The following FSHR variants were observed in gnomAD, a reference collection of about 807,000 sequenced individuals.
The protein encoded by FSHR is follicle stimulating hormone receptor, also known as follicle-stimulating hormone receptor.
A neutral mutation model predicts 52.1 loss-of-function variants in FSHR; 46 were observed. The observed-to-expected ratio is 0.88, with a 90% CI of 0.70 to 1.13. FSHR has a LOEUF of 1.13. Among genes scored for constraint, FSHR ranks in the 50% most tolerant of loss-of-function variants. The pLI is 0.00. For missense variants in FSHR, 964 were observed against 834.6 expected (o/e 1.16, Z -1.91); for synonymous variants, 399 against 309.6 (o/e 1.29, Z -3.03).
intron 4 of FSHR, among the ~76,000 whole-genome samples, chr2:49,008,712 T>A (rs866422755): frequency 1.4e-5 from 2 of 143,560 alleles, no homozygotes; most frequent in Non-Finnish European, 3.0e-5. Context: ...TTTTAATGAT[T>A]GCCATTCTAA....
chr2:49,025,630 T>G (rs1408504074), intron 2 of FSHR, among the ~76,000 whole-genome samples: 2 of 152,160 alleles, frequency 1.3e-5, no homozygotes, highest in Non-Finnish European at 2.9e-5. Context: ...AAACTCTCTT[T>G]GTGGAGTCTG....
chr2:49,051,651 T>C (rs1668860964), intron 2 of FSHR, among the ~76,000 whole-genome samples: 1 of 152,094 alleles, frequency 6.6e-6, no homozygotes, highest in African/African-American at 2.4e-5. Flanking sequence ...GTCATTTTCT[T>C]GATGGTGTCT....
In FSHR at chr2:49,015,458, A is replaced by T. The variant is rs539155645; in HGVS notation, c.374+2031T>A. Reference sequence around the variant, plus strand: ...AATGTTTTTGAGCACTTCGTATTTGACAAAATATTTTCATATCTAAATCTT... The same window carrying T: ...AATGTTTTTGAGCACTTCGTATTTGTCAAAATATTTTCATATCTAAATCTT... On this transcript the variant is annotated intron_variant, in intron 4 of 9. Coordinates refer to ENST00000406846, the MANE Select transcript of FSHR (RefSeq NM_000145.4). Among the ~76,000 whole-genome samples the T allele has an allele frequency of 1.1e-4, 16 of 152,290 alleles. No homozygotes were observed. In the South Asian group the frequency reaches 3.3e-3, roughly 32 times the overall value.
At chr2:49,078,150 G>T (rs1403983077) in intron 1 of FSHR, among the ~76,000 whole-genome samples, 2 of 152,188 alleles carry the variant, frequency 1.3e-5, no homozygotes, top group African/African-American at 4.8e-5. Context: ...AAAAGAAAGA[G>T]ATTTAATGGA....
chr2:49,028,971 G>C (rs1668006345), intron 2 of FSHR, among the ~76,000 whole-genome samples: 1 of 152,206 alleles, frequency 6.6e-6, no homozygotes, highest in African/African-American at 2.4e-5. Flanking sequence ...AGTACCCTGG[G>C]TGGTTGCTAG....
intron 1 of FSHR, among the ~76,000 whole-genome samples, chr2:49,080,772 A>C (rs1670137165): frequency 1.3e-5 from 2 of 152,166 alleles, no homozygotes; most frequent in African/African-American, 2.4e-5. Context: ...TAATGCCCAG[A>C]GACAGCAAAC....
At chr2:49,094,456 T>G (rs1041784199) in intron 1 of FSHR, among the ~76,000 whole-genome samples, 5 of 152,224 alleles carry the variant, frequency 3.3e-5, no homozygotes, top group Non-Finnish European at 5.9e-5. Context: ...ATGTTCTGTT[T>G]CCTTTTTGTA....
At chr2:48,989,370 C>A (rs892122092) in intron 5 of FSHR, among the ~76,000 whole-genome samples, 5 of 150,718 alleles carry the variant, frequency 3.3e-5, no homozygotes, top group African/African-American at 7.3e-5. Flanking sequence ...GTAGCCTCAA[C>A]CTCCCAGGCT....
At chr2:49,106,896 C>T (rs890660651) in intron 1 of FSHR, among the ~76,000 whole-genome samples, 4 of 152,134 alleles carry the variant, frequency 2.6e-5, no homozygotes, top group South Asian at 4.1e-4. Context: ...AGCAGCCTCT[C>T]GCCTTAAGCA....
At chr2:49,147,683 T>C (rs943275945) in intron 1 of FSHR, among the ~76,000 whole-genome samples, 1 of 152,020 alleles carries the variant, frequency 6.6e-6, no homozygotes, top group African/African-American at 2.4e-5. Flanking sequence ...TAATTTCCAC[T>C]TTTTCTCTTT....
rs1029042121 is a variant in FSHR at position 49,042,030 on chromosome 2, G to A, written c.225-21870C>T. Among the ~76,000 whole-genome samples the A allele has an allele frequency of 9.9e-5, 15 of 152,192 alleles. No homozygotes were observed. The East Asian group carries it at 2.7e-3, about 27-fold the overall frequency. ...GCGGTGGTGTGGGCCTGTAGTCCCA[G>A]GTACTTGGGAGGCTGAGATGGGTTG... On this transcript the variant is annotated intron_variant, in intron 2 of 9. Coordinates refer to ENST00000406846, the MANE Select transcript of FSHR (RefSeq NM_000145.4).
intron 4 of FSHR, among the ~76,000 whole-genome samples, chr2:49,013,513 T>TATATATATAA (rs1553333459): frequency 7.3e-6 from 1 of 136,588 alleles, no homozygotes; most frequent in African/African-American, 2.8e-5. Context: ...TATATATATA[T>TATATATATAA]ATAAATATAT....
At chr2:48,982,044 T>G (rs1482732819) in intron 8 of FSHR, among the ~76,000 whole-genome samples, 1 of 152,164 alleles carries the variant, frequency 6.6e-6, no homozygotes, top group Non-Finnish European at 1.5e-5. Flanking sequence ...AGTACTTTTT[T>G]CAGTCAGTAA....
intron 2 of FSHR, among the ~76,000 whole-genome samples, chr2:49,043,040 G>A (rs886606321): frequency 1.3e-5 from 2 of 152,152 alleles, no homozygotes; most frequent in African/African-American, 4.8e-5. Flanking sequence ...AGAAAACCAA[G>A]CTTGAGAATA....
chr2:49,073,631 T>G (rs539520446), intron 1 of FSHR, among the ~76,000 whole-genome samples: 2 of 152,180 alleles, frequency 1.3e-5, no homozygotes, highest in East Asian at 3.9e-4. Context: ...CAAAGCAATC[T>G]ACAGATTCAA....
chr2:48,963,065 C>T lies in FSHR; in HGVS notation c.1756G>A (p.Ala586Thr). ...GAAATGGCAAAGAAAGAAATGGGTG[C>T]CATGCAGAGGAAGTCAGTGAAGATG... ...MLIFTDFLCM[A>T]PISFFAISAS... The change falls in exon 10 of 10, where the codon GCA (alanine) becomes ACA (threonine). Residue 586 changes from alanine (A) to threonine (T), a missense_variant. By Grantham distance (58) the Ala-to-Thr change is moderately conservative. Transcript: ENST00000406846. 1 of 1,613,962 alleles carries T rather than the reference C, an allele frequency of 6.2e-7. No homozygotes were observed. The highest frequency in any genetic ancestry group is 1.1e-5 in the South Asian group (1 of 91,054).
chr2:48,979,985 C>T (rs1180488940), intron 8 of FSHR, among the ~76,000 whole-genome samples: 1 of 152,220 alleles, frequency 6.6e-6, no homozygotes, highest in East Asian at 1.9e-4. Context: ...AAGCACCTCT[C>T]AGGCCAGGGT....
chr2:49,105,540 G>A (rs1382122238), intron 1 of FSHR, among the ~76,000 whole-genome samples: 1 of 152,102 alleles, frequency 6.6e-6, no homozygotes, highest in Non-Finnish European at 1.5e-5. Context: ...AAAAATAAAT[G>A]GAAAAGATTT....
intron 2 of FSHR, among the ~76,000 whole-genome samples, chr2:49,046,737 CAAG>C (rs1286321792): frequency 6.6e-6 from 1 of 152,168 alleles, no homozygotes; most frequent in East Asian, 1.9e-4. Context: ...TTTTGTAGCT[CAAG>C]AAGAATTTGT....
Sources: allele counts gnomAD v4.1 joint callset (sites outside exome capture counted in the v4.1 genomes callset), GRCh38; gene constraint gnomAD v4.1.1; transcripts MANE v1.5; gene names NCBI Gene and HGNC (gene_info 2026-07-23, HGNC 2026-07-21).